The following CDK15 variants were observed in gnomAD, a reference collection of about 807,000 sequenced individuals.
The protein encoded by CDK15 is cyclin-dependent kinase 15.
Under a neutral mutation model 60.3 loss-of-function variants are expected in CDK15, and 62 were observed. The ratio of observed to expected loss-of-function variants is 1.03; its 90% CI spans 0.84 to 1.27. CDK15 has a LOEUF of 1.27. Ranked by LOEUF, CDK15 falls within the 50% of genes most tolerant of loss-of-function variation. The probability of loss-of-function intolerance (pLI) is 0.00; values close to 1 mark genes in which losing one functional copy is unlikely to be tolerated. For missense variants in CDK15, 541 were observed against 527.8 expected, an observed-to-expected ratio of 1.03 and a Z score of -0.25; for synonymous variants, 194 against 195.7, an observed-to-expected ratio of 0.99 and a Z score of 0.07.
chr2:201,885,105 G>A (rs1483239116), intron 12 of CDK15, among the ~76,000 whole-genome samples: 8 of 152,188 alleles, frequency 5.3e-5, no homozygotes, highest in Admixed American at 5.2e-4. Context: ...AGATCATTCT[G>A]AAGTTGTCTT....
chr2:201,817,849 T>C (rs1376128932), intron 4 of CDK15, among the ~76,000 whole-genome samples: 1 of 152,222 alleles, frequency 6.6e-6, no homozygotes, highest in African/African-American at 2.4e-5. Flanking sequence ...GTGATCAGCA[T>C]TACAATTCCA....
intron 11 of CDK15, among the ~76,000 whole-genome samples, chr2:201,873,149 C>A (rs993067184): frequency 5.3e-5 from 8 of 152,180 alleles, no homozygotes; most frequent in African/African-American, 1.7e-4. Flanking sequence ...TGTTTGAATT[C>A]TTCACTCTTA....
rs775231477 is a variant in CDK15 at position 201,880,100 on chromosome 2, C to T, written c.1131C>T (p.Ser377=). ...AAGGCTTTCCCAGAGACCGCGTCTC[C>T]GCCCAGGAAGCACTTGTTCATGATT... ...MLKGFPRDRV[S]AQEALVHDYF... is the part of the protein sequence containing the mutation. Residue 377 remains serine, a synonymous_variant, in exon 12 of 14, where the codon TCC becomes TCT. Transcript: ENST00000652192. The T allele has an allele frequency of 2.7e-5, 43 of 1,614,010 alleles. No homozygotes were observed. Among genetic ancestry groups the T allele is most frequent in the Middle Eastern group, 1.6e-4 (1 of 6,084 alleles).
chr2:201,885,663 G>A (rs572003980), intron 12 of CDK15, among the ~76,000 whole-genome samples: 1 of 152,160 alleles, frequency 6.6e-6, no homozygotes, highest in Non-Finnish European at 1.5e-5. Context: ...AAGCCCTTAA[G>A]TTGGTTAAAT....
Position 201,806,604 on chromosome 2 carries a change from G to T in CDK15, c.-61G>T. On this transcript the variant is annotated 5_prime_UTR_variant, in exon 1 of 14. Coordinates refer to ENST00000652192, the MANE Select transcript of CDK15 (RefSeq NM_001366386.2). ...CTCTGGCAAAAAGGGAGAGAACAAG[G>T]ATAGGAGAGGCAGTGGGGGAAAGGT... 6.6e-7 allele frequency: 1 copy of T among 1,504,636 alleles called. No individual in the cohort carries two copies. The highest frequency in any genetic ancestry group is 8.9e-7 in the Non-Finnish European group (1 of 1,122,592). The allele number at this position is 1,504,636 out of a possible 1,614,324, so 93.2% of individuals were successfully genotyped here.
intron 8 of CDK15, among the ~76,000 whole-genome samples, chr2:201,843,910 TTGTG>T (rs369053000): frequency 0.59 from 89,667 of 152,012 alleles, 27,317 homozygotes; most frequent in Admixed American, 0.7. Context: ...CACTAAGGAA[TTGTG>T]TAACAAAATG....
At chr2:201,808,260 G>A (rs1328582232) in intron 3 of CDK15, among the ~76,000 whole-genome samples, 1 of 152,162 alleles carries the variant, frequency 6.6e-6, no homozygotes, top group Non-Finnish European at 1.5e-5. Context: ...TCACTCTTCA[G>A]GCCTGTGGGA....
intron 12 of CDK15, among the ~76,000 whole-genome samples, chr2:201,880,647 G>A (rs80203070): frequency 6.6e-6 from 1 of 152,212 alleles, no homozygotes; most frequent in Non-Finnish European, 1.5e-5. Flanking sequence ...GCCGGGGTGG[G>A]GTGCTGGGGG....
intron 8 of CDK15, among the ~76,000 whole-genome samples, chr2:201,842,094 C>T (rs954774304): frequency 6.6e-6 from 1 of 152,170 alleles, no homozygotes; most frequent in African/African-American, 2.4e-5. Flanking sequence ...ATCTCCAGAA[C>T]TTTTCATCAT....
chr2:201,893,792 A>C lies in CDK15; in HGVS notation c.*525A>C, dbSNP rs536109178. The C allele has an allele frequency of 7.5e-4, 114 of 152,312 alleles. No homozygotes were observed. The highest frequency in any genetic ancestry group is 2.7e-3 in the African/African-American group (111 of 41,548). The allele number at this position is 152,312 out of a possible 1,614,324, so 9.4% of individuals were successfully genotyped here. ...GTTTCTTGGATAACATTGTTAACAA[A>C]AGGACTTCCTGAGGACTATTTATTA... On this transcript the variant is annotated 3_prime_UTR_variant, in exon 14 of 14. Coordinates refer to ENST00000652192, the MANE Select transcript of CDK15 (RefSeq NM_001366386.2).
intron 12 of CDK15, among the ~76,000 whole-genome samples, chr2:201,890,315 C>G (rs1220773051): frequency 1.3e-5 from 2 of 152,198 alleles, no homozygotes; most frequent in Non-Finnish European, 2.9e-5. Context: ...TCCTTCATAT[C>G]TTTGCTCATG....
chr2:201,853,758 C>T (rs1698010615), intron 9 of CDK15, among the ~76,000 whole-genome samples: 1 of 151,792 alleles, frequency 6.6e-6, no homozygotes, highest in South Asian at 2.1e-4. Flanking sequence ...TAAGGTAATG[C>T]CTACCGGGGA....
In CDK15 at chr2:201,820,472, A is replaced by C. The variant is rs529385833; in HGVS notation, c.449-2337A>C. 2.0e-5 allele frequency among the ~76,000 whole-genome samples: 3 copies of C among 152,336 alleles called. No homozygotes were observed. The South Asian group carries it at 6.2e-4, about 32-fold the overall frequency. ...GGTTCCACAAATGGTATCTGATTCCATCCTCATATCAACCCTATGAAGTAA... is the reference window on the plus strand; with the variant it reads ...GGTTCCACAAATGGTATCTGATTCCCTCCTCATATCAACCCTATGAAGTAA... On this transcript the variant is annotated intron_variant, in intron 4 of 13. Coordinates refer to ENST00000652192, the MANE Select transcript of CDK15 (RefSeq NM_001366386.2).
intron 3 of CDK15, among the ~76,000 whole-genome samples, chr2:201,810,819 A>C (rs1695722643): frequency 6.7e-6 from 1 of 149,648 alleles, no homozygotes. Context: ...GTCATAAATC[A>C]TGATGATGGT....
chr2:201,887,232 T>C (rs962317083), intron 12 of CDK15, among the ~76,000 whole-genome samples: 25 of 152,230 alleles, frequency 1.6e-4, no homozygotes, highest in African/African-American at 5.8e-4. Flanking sequence ...GTTCTTATGC[T>C]GTAACATGAG....
intron 11 of CDK15, among the ~76,000 whole-genome samples, chr2:201,878,619 C>A (rs1699166133): frequency 6.6e-6 from 1 of 152,174 alleles, no homozygotes; most frequent in African/African-American, 2.4e-5. Context: ...TCTGCTCCAT[C>A]TCAGGGGAAC....
chr2:201,864,937 GGA>G (rs1238361321), intron 10 of CDK15, among the ~76,000 whole-genome samples: 1 of 152,186 alleles, frequency 6.6e-6, no homozygotes, highest in Non-Finnish European at 1.5e-5. Flanking sequence ...GTTGCCCAAA[GGA>G]GAGAGTGTAG....
intron 6 of CDK15, among the ~76,000 whole-genome samples, chr2:201,827,617 T>G (rs72928808): frequency 0.01 from 1,562 of 152,336 alleles, 11 homozygotes; most frequent in Non-Finnish European, 0.017. Context: ...TGTTTGTTTG[T>G]TTGTTTTGAG....
chr2:201,820,765 A>C (rs1696187102), intron 4 of CDK15, among the ~76,000 whole-genome samples: 2 of 152,224 alleles, frequency 1.3e-5, no homozygotes, highest in African/African-American at 4.8e-5. Flanking sequence ...TCAGTCTGAG[A>C]CTAGGGAGAT....
Sources: allele counts gnomAD v4.1 joint callset (sites outside exome capture counted in the v4.1 genomes callset), GRCh38; gene constraint gnomAD v4.1.1; transcripts MANE v1.5; gene names NCBI Gene and HGNC (gene_info 2026-07-23, HGNC 2026-07-21).